The following MYOF variants were observed in gnomAD, a reference collection of about 807,000 sequenced individuals.
MYOF encodes fer-1-like 3, myoferlin.
Under a neutral mutation model 284.2 loss-of-function variants are expected in MYOF, and 244 were observed. That is an observed-to-expected ratio of 0.86 (90% CI 0.77 to 0.95). MYOF has a LOEUF of 0.95. Among genes scored for constraint, MYOF ranks in the 40% least tolerant of loss-of-function variants. MYOF has a pLI of 0.00. For synonymous variants in MYOF, 904 were observed against 919.7 expected (o/e 0.98, Z 0.31); for missense variants, 2,496 against 2,560.6 (o/e 0.97, Z 0.54).
chr10:93,342,870 T>C (rs1219822392), intron 38 of MYOF, among the ~76,000 whole-genome samples: 1 of 152,162 alleles, frequency 6.6e-6, no homozygotes, highest in Non-Finnish European at 1.5e-5. Context: ...ATATTTGGGG[T>C]GGTTTACAAA....
At chr10:93,445,614 C>T (rs895048874) in intron 3 of MYOF, among the ~76,000 whole-genome samples, 4 of 152,202 alleles carry the variant, frequency 2.6e-5, no homozygotes, top group African/African-American at 9.6e-5. Flanking sequence ...CAACCCGCTC[C>T]CAGTGCCTGA....
intron 30 of MYOF, among the ~76,000 whole-genome samples, chr10:93,356,395 C>A (rs957813751): frequency 6.6e-6 from 1 of 152,146 alleles, no homozygotes; most frequent in Non-Finnish European, 1.5e-5. Flanking sequence ...ATAGGTGTCA[C>A]CTGAAACAAG....
chr10:93,328,066 G>A (rs998223233), intron 45 of MYOF, among the ~76,000 whole-genome samples: 4 of 152,054 alleles, frequency 2.6e-5, no homozygotes, highest in Non-Finnish European at 5.9e-5. Flanking sequence ...CACTGTGCCC[G>A]GCCTCAAAAC....
chr10:93,334,619 C>T (rs1417779519), intron 41 of MYOF, among the ~76,000 whole-genome samples: 2 of 152,118 alleles, frequency 1.3e-5, no homozygotes, highest in East Asian at 1.9e-4. Flanking sequence ...TTTGAAGGAG[C>T]GAGCCAACAA....
At chr10:93,307,087 G>T in intron 53 of MYOF, 86 bp from the exon 54 acceptor site, 2 of 1,286,226 alleles carry the variant, frequency 1.6e-6, no homozygotes, top group South Asian at 1.2e-5. Flanking sequence ...AGAAAAAATT[G>T]ACATTTTGAA....
chr10:93,315,422 GAA>G (rs1842574685), intron 50 of MYOF, among the ~76,000 whole-genome samples: 1 of 152,284 alleles, frequency 6.6e-6, no homozygotes, highest in East Asian at 1.9e-4. Context: ...GGCGTGGGGA[GAA>G]AAGAGAGGAG....
intron 35 of MYOF, 123 bp downstream of exon 35, chr10:93,351,067 TGGACAAG>T: frequency 1.0e-6 from 1 of 978,918 alleles, no homozygotes; most frequent in Admixed American, 2.1e-5. Context: ...CTCCAGTTTT[TGGACAAG>T]TTGTAAAGGA....
At position 93,405,610 on chromosome 10, in the gene MYOF, A is replaced by G. The variant is rs78519286; in HGVS notation, c.730-1391T>C. Among the ~76,000 whole-genome samples, 49 of 152,032 alleles carry G rather than the reference A, an allele frequency of 3.2e-4. No individual in the cohort carries two copies. The East Asian group carries it at 8.9e-3, about 28-fold the overall frequency. On this transcript the variant is annotated intron_variant, in intron 7 of 53. Transcript: ENST00000359263. ...TGCCCGTTGTTTTGTAGAATATCCC[A>G]CAGTCTAGATTTGTGTGAATGTTTC...
rs1346503310 is a variant in MYOF, at chr10:93,356,838, T to C, written c.3131A>G (p.Glu1044Gly). ...TTCCCAGCCCTCTTGGTCTTGCAAT[T>C]CCTCCATGGCCTAAAACAGAAGTAA... ...TASSTARAMEELQDQEGWEYA... is the reference protein window; with the variant it reads ...TASSTARAMEGLQDQEGWEYA... The change falls in exon 30 of 54, where the codon GAA becomes GGA. Residue 1044 changes from glutamate to glycine, a missense_variant. Around this residue, in one of 3 missense-constraint regions of MYOF, gnomAD observed 2,436 missense variants for 2,480.7 expected, o/e 0.98. Transcript: ENST00000359263. 6.2e-7 allele frequency: 1 copy of C among 1,612,252 alleles called. No individual in the cohort carries two copies. The highest frequency in any genetic ancestry group is 8.5e-7 in the Non-Finnish European group (1 of 1,179,634).
At chr10:93,464,003 G>A (rs2056946759) in intron 1 of MYOF, among the ~76,000 whole-genome samples, 1 of 152,008 alleles carries the variant, frequency 6.6e-6, no homozygotes, top group Non-Finnish European at 1.5e-5. Context: ...TAATTGTTTG[G>A]TCAAACATAA....
chr10:93,315,347 C>A lies in MYOF; in HGVS notation c.5698+1367G>T, dbSNP rs540719971. Among the ~76,000 whole-genome samples, 18 of 152,162 alleles carry A rather than the reference C, an allele frequency of 1.2e-4. No individual in the cohort carries two copies. In the East Asian group the frequency reaches 3.5e-3, roughly 29 times the overall value. On this transcript the variant is annotated intron_variant, in intron 50 of 53. Coordinates refer to ENST00000359263, the MANE Select transcript of MYOF (RefSeq NM_013451.4). ...TTCAACTGGCAAGTGGCAGAGATCA[C>A]AGGACTAAGAAAATAAGTGTGCGTG...
chr10:93,465,073 C>T (rs1355187221), intron 1 of MYOF, among the ~76,000 whole-genome samples: 1 of 152,178 alleles, frequency 6.6e-6, no homozygotes, highest in African/African-American at 2.4e-5. Context: ...CATGGATTCT[C>T]TCACTTAATC....
In MYOF at chr10:93,408,792, C is replaced by CA. The variant is rs759480107; in HGVS notation, c.723dup (p.Asp242Ter). On this transcript the variant is annotated frameshift_variant, in exon 7 of 54. Transcript: ENST00000359263. LOFTEE classifies it high-confidence loss of function. ...TGCCCTCTCAACCCCTTTACCTCAT[C>CA]AAAAAAAGGGTTGTTTCCTCTCTTG... is the stretch of plus-strand genomic sequence containing the variant. The CA allele has an allele frequency of 1.8e-5, 29 of 1,613,854 alleles. No homozygotes were observed. In the African/African-American group the frequency reaches 2.5e-4, roughly 14 times the overall value.
At chr10:93,308,437 T>A (rs1842228996) in intron 53 of MYOF, among the ~76,000 whole-genome samples, 1 of 149,782 alleles carries the variant, frequency 6.7e-6, no homozygotes, top group African/African-American at 2.5e-5. Context: ...ATACAAAAAT[T>A]GGCAGGGTGT....
At chr10:93,479,826 C>T (rs1346863647) in intron 1 of MYOF, among the ~76,000 whole-genome samples, 1 of 152,060 alleles carries the variant, frequency 6.6e-6, no homozygotes, top group Non-Finnish European at 1.5e-5. Context: ...AAAAAGGAGG[C>T]CAGAAAAGAG....
chr10:93,342,009 A>T (rs1166235436), intron 38 of MYOF: 1 of 1,264,566 alleles, frequency 7.9e-7, no homozygotes, highest in East Asian at 5.6e-5. Flanking sequence ...CCATGTACAC[A>T]TGTCCATGTT....
intron 5 of MYOF, among the ~76,000 whole-genome samples, chr10:93,424,933 T>TTG (rs1252072282): frequency 7.5e-6 from 1 of 132,672 alleles, no homozygotes; most frequent in African/African-American, 2.8e-5. Flanking sequence ...AATTCCATTT[T>TTG]TTTTTTTTTT....
In MYOF at chr10:93,402,346, G is replaced by A. The variant is rs181979817; in HGVS notation, c.876C>T (p.Gly292=). ...IDVGFVYDEP[G]HAVMRKWLLL... Reference sequence around the variant, plus strand: ...GAAGCCACTTTCTCATGACAGCATGGCCTAAAATAGAGAAGGAGTAAAAGG... The same window carrying A: ...GAAGCCACTTTCTCATGACAGCATGACCTAAAATAGAGAAGGAGTAAAAGG... The change falls in exon 11 of 54, where the codon GGC becomes GGT. Residue 292 remains glycine (G), a splice_region_variant and synonymous_variant. Coordinates refer to ENST00000359263, the MANE Select transcript of MYOF (RefSeq NM_013451.4). The A allele has an allele frequency of 1.9e-6, 3 of 1,609,894 alleles. No homozygotes were observed. Among genetic ancestry groups the A allele is most frequent in the African/African-American group, 1.3e-5 (1 of 74,912 alleles).
intron 3 of MYOF, among the ~76,000 whole-genome samples, chr10:93,438,013 C>T (rs745603276): frequency 1.8e-4 from 27 of 152,292 alleles, no homozygotes; most frequent in African/African-American, 6.5e-4. Context: ...AGCAGAGAAT[C>T]CTACTCGGTC....
Sources: allele counts gnomAD v4.1 joint callset (sites outside exome capture counted in the v4.1 genomes callset), GRCh38; gene constraint gnomAD v4.1.1; regional missense constraint gnomAD v4.1.1; transcripts MANE v1.5; gene names NCBI Gene and HGNC (gene_info 2026-07-23, HGNC 2026-07-21).